EI24: variants seen among roughly 807,000 people sequenced by gnomAD.
EI24 encodes the protein etoposide-induced protein 2.4 homolog.
EI24 carries 21 observed loss-of-function variants against 48.6 expected under a neutral mutation model. That is an observed-to-expected ratio of 0.43 (90% CI 0.31 to 0.62). The LOEUF (loss-of-function observed/expected upper bound fraction) is 0.62, where lower values mean the gene tolerates loss of function less well. Among genes scored for constraint, EI24 ranks in the 20% least tolerant of loss-of-function variants. The pLI is 0.10. For synonymous variants in EI24, 114 were observed against 145.5 expected (o/e 0.78, Z 1.56); for missense variants, 280 against 410.5 (o/e 0.68, Z 2.75).
intron 2 of EI24, chr11:125,574,769 C>T (rs1345554073): frequency 2.0e-5 from 3 of 153,084 alleles, no homozygotes; most frequent in Admixed American, 1.9e-4. Flanking sequence ...ACAGAGATTA[C>T]CATGGCTCCT....
Position 125,583,788 on chromosome 11 carries a change from AGG to A in EI24, c.*107_*108del. 6.7e-7 allele frequency: 1 copy of A among 1,486,578 alleles called. No individual in the cohort carries two copies. The allele number at this position is 1,486,578 out of a possible 1,614,324, so 92.1% of individuals were successfully genotyped here. ...AGGGAAGGCAGGACCCGCTCTGCCA[AGG>A]GCCCTCTGCGTATTCCCTTCTCTCT... On this transcript the variant is annotated 3_prime_UTR_variant, in exon 11 of 11. Transcript: ENST00000278903.
intron 2 of EI24, 68 bp from the exon 3 acceptor site, chr11:125,575,195 G>A: frequency 7.1e-7 from 1 of 1,410,306 alleles, no homozygotes; most frequent in South Asian, 1.3e-5. Flanking sequence ...TCACTGCACT[G>A]TAGCTTGGGT....
chr11:125,578,132 G>A lies in EI24; in HGVS notation c.317-1G>A, dbSNP rs1264140334. The A allele has an allele frequency of 1.2e-6, 2 of 1,613,008 alleles. No homozygotes were observed. The highest frequency in any genetic ancestry group is 1.7e-5 in the Admixed American group (1 of 60,008). ...CTAGTAACTCGTTTCCTCTTTCTTA[G>A]GTGACCCATCACTACATGGAGATGT... is the stretch of plus-strand genomic sequence containing the variant. On this transcript the variant is annotated splice_acceptor_variant, in intron 5 of 10. Coordinates refer to ENST00000278903, the MANE Select transcript of EI24 (RefSeq NM_004879.5). LOFTEE classifies it high-confidence loss of function.
At chr11:125,572,247 A>T (rs992618088) in intron 1 of EI24, among the ~76,000 whole-genome samples, 8 of 152,148 alleles carry the variant, frequency 5.3e-5, no homozygotes, top group Non-Finnish European at 1.2e-4. Flanking sequence ...CCTTGTAAAA[A>T]TGAAAGGGTG....
intron 2 of EI24, chr11:125,573,534 G>T: frequency 2.6e-6 from 1 of 383,326 alleles, no homozygotes; most frequent in Non-Finnish European, 5.4e-6. Context: ...GCTTGAGTCT[G>T]GGAGTATGAA....
chr11:125,570,576 C>G (rs977703421), intron 1 of EI24: 5 of 152,226 alleles, frequency 3.3e-5, no homozygotes, highest in African/African-American at 1.2e-4. Context: ...AATGACACAG[C>G]TGTTGTGGAC....
rs1555055547 is a variant in EI24 at position 125,584,259 on chromosome 11, A to AAAAAAAAAAAAT, written c.*579_*580insAAAAAAAATAAA. The AAAAAAAAAAAAT allele has an allele frequency of 2.2e-5, 3 of 135,698 alleles. No individual in the cohort carries two copies. The highest frequency in any genetic ancestry group is 2.7e-5 in the African/African-American group (1 of 37,110). The allele number at this position is 135,698 out of a possible 1,614,324, so 8.4% of individuals were successfully genotyped here. A position where few individuals can be genotyped will look rare whatever the true frequency, so the allele number is the denominator to read the frequency against. The stretch of plus-strand genomic sequence containing the variant: ...AAAAAAAAAAAAAAAAAAAAAAAAA[A>AAAAAAAAAAAAT]AAAGCCTGAAGAGATGAGATAGGAG... On this transcript the variant is annotated 3_prime_UTR_variant, in exon 11 of 11. Coordinates refer to ENST00000278903, the MANE Select transcript of EI24 (RefSeq NM_004879.5).
At chr11:125,580,269 CT>C (rs1473251424) in intron 8 of EI24, 65 bp downstream of exon 8, 20 of 1,146,134 alleles carry the variant, frequency 1.7e-5, no homozygotes. Flanking sequence ...GCTAAGCAGA[CT>C]TCTTAAACTA....
Position 125,583,523 on chromosome 11 carries a change from T to G in EI24, c.863T>G (p.Leu288Arg). ...NEAKTPGKAYLFQLRLFSLVV... is the reference protein window; with the variant it reads ...NEAKTPGKAYRFQLRLFSLVV... ...AAGTTGGGTTTCTTGCCTTTTAGTCTCTTCCAGTTGCGCCTCTTCTCCTTG... is the reference window on the plus strand; with the variant it reads ...AAGTTGGGTTTCTTGCCTTTTAGTCGCTTCCAGTTGCGCCTCTTCTCCTTG... The change falls in exon 11 of 11, where the codon CTC becomes CGC. Residue 288 changes from leucine to arginine, a missense_variant and splice_region_variant. This residue lies in a region of EI24 where 62 missense variants were observed against 65.1 expected (regional missense o/e 0.95). Transcript: ENST00000278903. 3.8e-6 allele frequency: 6 copies of G among 1,573,492 alleles called. No homozygotes were observed. Among genetic ancestry groups the G allele is most frequent in the Non-Finnish European group, 4.3e-6 (5 of 1,158,832 alleles).
intron 1 of EI24, among the ~76,000 whole-genome samples, chr11:125,572,219 G>A (rs914965062): frequency 6.6e-6 from 1 of 151,894 alleles, no homozygotes; most frequent in African/African-American, 2.4e-5. Context: ...AAAATGAGAG[G>A]GTGTAAAATG....
At chr11:125,580,472 G>A (rs572097658) in intron 8 of EI24, among the ~76,000 whole-genome samples, 23 of 152,166 alleles carry the variant, frequency 1.5e-4, no homozygotes, top group Non-Finnish European at 2.5e-4. Context: ...ATGAGCATGA[G>A]TTGCTCTAAA....
chr11:125,574,024 A>G (rs1938636488), intron 2 of EI24, among the ~76,000 whole-genome samples: 1 of 151,934 alleles, frequency 6.6e-6, no homozygotes, highest in Admixed American at 6.6e-5. Context: ...TTGTCTTGCC[A>G]TTCATGTGCT....
At chr11:125,570,069 G>A (rs1370500057) in intron 1 of EI24, 1 of 152,308 alleles carries the variant, frequency 6.6e-6, no homozygotes, top group Non-Finnish European at 1.5e-5. Flanking sequence ...AGCTTCTAAT[G>A]ACTGTTGGGA....
At position 125,576,250 on chromosome 11, in the gene EI24, T is replaced by C; in HGVS notation, c.189-5T>C. ...TATAAACTAAATACATGTGATCTTTTCCAGTGAGCCACGTATTGTTAGTAG... is the reference window on the plus strand; with the variant it reads ...TATAAACTAAATACATGTGATCTTTCCCAGTGAGCCACGTATTGTTAGTAG... On this transcript the variant is annotated splice_polypyrimidine_tract_variant and splice_region_variant and intron_variant, in intron 3 of 10. Transcript: ENST00000278903. 1 of 1,613,462 alleles carries C rather than the reference T, an allele frequency of 6.2e-7. No homozygotes were observed. The highest frequency in any genetic ancestry group is 8.5e-7 in the Non-Finnish European group (1 of 1,179,572).
At chr11:125,579,351 ATTTTTT>A (rs562498961) in intron 7 of EI24, among the ~76,000 whole-genome samples, 64 of 144,374 alleles carry the variant, frequency 4.4e-4, no homozygotes, top group African/African-American at 1.6e-3. Flanking sequence ...GTTATGCCTA[ATTTTTT>A]TTTTTTTTTA....
rs7932061 is a variant in EI24 at position 125,579,785 on chromosome 11, G to C, written c.562-308G>C. 2.4e-3 allele frequency among the ~76,000 whole-genome samples: 370 copies of C among 152,260 alleles called. 4 individuals are homozygous for C. The highest frequency in any genetic ancestry group is 7.7e-3 in the African/African-American group (319 of 41,556). On this transcript the variant is annotated intron_variant, in intron 7 of 10. Coordinates refer to ENST00000278903, the MANE Select transcript of EI24 (RefSeq NM_004879.5). ...GGGCTCAAGCAATCCTCCTGCCTTA[G>C]CCTCCTGAGTAGCTGGGACTACAGG... is the stretch of plus-strand genomic sequence containing the variant.
chr11:125,580,040 G>A, intron 7 of EI24, 53 bp from the exon 8 acceptor site: 1 of 1,362,714 alleles, frequency 7.3e-7, no homozygotes, highest in Non-Finnish European at 1.1e-6. Context: ...ACAGGTGAAT[G>A]GTGCTAGGTT....
intron 9 of EI24, 88 bp downstream of exon 9, chr11:125,581,410 A>G: frequency 9.7e-6 from 7 of 718,086 alleles, no homozygotes; most frequent in South Asian, 3.9e-5. Flanking sequence ...TCTGTTTCGC[A>G]TTCTACATCA....
In EI24 at chr11:125,582,388, C is replaced by T. The variant is rs201075869; in HGVS notation, c.828C>T (p.Ser276=). Residue 276 remains serine, a synonymous_variant, in exon 10 of 11, where the codon AGC becomes AGT. Transcript: ENST00000278903. The part of the protein sequence containing the change: ...FSILFPLFII[S]ANEAKTPGKA... ...TCCTCTTTCCTTTATTCATTATCAG[C>T]GCCAATGAAGCAAAGACCCCTGGCA... is the stretch of plus-strand genomic sequence containing the variant. 2,914 of 1,599,104 alleles carry T rather than the reference C, an allele frequency of 1.8e-3. 5 individuals carry two copies. The highest frequency in any genetic ancestry group is 2.4e-3 in the Non-Finnish European group (2,781 of 1,173,778).
Sources: allele counts gnomAD v4.1 joint callset (sites outside exome capture counted in the v4.1 genomes callset), GRCh38; gene constraint gnomAD v4.1.1; regional missense constraint gnomAD v4.1.1; transcripts MANE v1.5; gene names NCBI Gene and HGNC (gene_info 2026-07-23, HGNC 2026-07-21).